Variants in ABCA7 observed in about 807,000 individuals in gnomAD.
ABCA7 encodes the protein ATP binding cassette subfamily A member 7.
A neutral mutation model predicts 227.6 loss-of-function variants in ABCA7; 261 were observed. The ratio of observed to expected loss-of-function variants is 1.15; its 90% confidence interval spans 1.04 to 1.27. The LOEUF (loss-of-function observed/expected upper bound fraction) is 1.27. Among genes scored for constraint, ABCA7 ranks in the 50% most tolerant of loss-of-function variants. ABCA7 has a pLI of 0.00. For synonymous variants in ABCA7, 1,488 were observed against 1,279.7 expected (o/e 1.16, Z -3.47); for missense variants, 3,331 against 2,924.5 (o/e 1.14, Z -3.21).
intron 5 of ABCA7, 37 bp downstream of exon 5, chr19:1,042,213 C>T: frequency 6.3e-7 from 1 of 1,596,664 alleles, no homozygotes; most frequent in South Asian, 1.1e-5. Flanking sequence ...GGGCTGAGCT[C>T]TGAGCCTCAA....
At position 1,046,918 on chromosome 19, in the gene ABCA7, C is replaced by T; in HGVS notation, c.1739C>T (p.Thr580Ile). 6.4e-7 allele frequency: 1 copy of T among 1,555,000 alleles called. No homozygotes were observed. ...VREKETRLRD[T>I]MRAMGLSRAV... ...GAGAAGGAGACGCGGCTGCGGGACA[C>T]CATGCGCGCCATGGGGCTCAGCCGC... Residue 580 changes from threonine (T) to isoleucine (I), a missense_variant, in exon 14 of 47, where the codon ACC becomes ATC. Coordinates refer to ENST00000263094, the MANE Select transcript of ABCA7 (RefSeq NM_019112.4).
In ABCA7 at chr19:1,041,209, G is replaced by C. The variant is rs1384590888; in HGVS notation, c.-137-16G>C. 1.3e-6 allele frequency: 1 copy of C among 786,190 alleles called. No individual in the cohort carries two copies. The highest frequency in any genetic ancestry group is 2.2e-6 in the Non-Finnish European group (1 of 457,680). The allele number at this position is 786,190 out of a possible 1,614,324, so 48.7% of individuals were successfully genotyped here. A position where few individuals can be genotyped will look rare whatever the true frequency, so the allele number is the denominator to read the frequency against. On this transcript the variant is annotated splice_polypyrimidine_tract_variant and intron_variant, in intron 1 of 46. Transcript: ENST00000263094. ...CCTCTTTATCGAGTGACTACTGTTTGCCTCGCTCTAATCAGAGCTTCCAGG... is the reference window on the plus strand; with the variant it reads ...CCTCTTTATCGAGTGACTACTGTTTCCCTCGCTCTAATCAGAGCTTCCAGG...
Position 1,054,820 on chromosome 19 carries a change from G to A in ABCA7, c.3892G>A (p.Glu1298Lys), listed in dbSNP as rs371891949. 18 of 1,577,916 alleles carry A rather than the reference G, an allele frequency of 1.1e-5. No homozygotes were observed. Among genetic ancestry groups the A allele is most frequent in the African/African-American group, 6.8e-5 (5 of 73,860 alleles). ...GGACCCTGGACGTGCCCGGCTGCTC[G>A]AGGCGCTGCTGCAGGAGGCAGGACT... is the stretch of plus-strand genomic sequence containing the variant. ...PGDPGRARLL[E>K]ALLQEAGLEE... is the part of the protein sequence containing the mutation. Residue 1298 changes from glutamate (E) to lysine (K), a missense_variant, in exon 29 of 47, where the codon GAG (glutamate) becomes AAG (lysine). Coordinates refer to ENST00000263094, the MANE Select transcript of ABCA7 (RefSeq NM_019112.4). This position sits in a 1 kb window ranked among gnomAD's most constrained non-coding sequence, Gnocchi z 4.8.
chr19:1,054,182 A>G lies in ABCA7; in HGVS notation c.3578-11A>G, dbSNP rs367544846. The G allele has an allele frequency of 4.2e-5, 67 of 1,610,212 alleles. No individual in the cohort carries two copies. The African/African-American group carries it at 8.2e-4, about 20-fold the overall frequency. ...CAGCAGCGTGAGCACTGACCCTCTCATCCCTCACAGCTGGGTCAGCCCCAG... is the reference window on the plus strand; with the variant it reads ...CAGCAGCGTGAGCACTGACCCTCTCGTCCCTCACAGCTGGGTCAGCCCCAG... On this transcript the variant is annotated splice_polypyrimidine_tract_variant and intron_variant, in intron 26 of 46. Coordinates refer to ENST00000263094, the MANE Select transcript of ABCA7 (RefSeq NM_019112.4). The surrounding 1 kb of genome is among the most constrained non-coding windows in gnomAD (Gnocchi z 4.8).
intron 40 of ABCA7, 188 bp downstream of exon 40, chr19:1,059,273 T>TTATTTATTTATG (rs1426709245): frequency 7.8e-6 from 2 of 254,888 alleles, no homozygotes; most frequent in East Asian, 2.4e-4. Flanking sequence ...ATTTATTTAT[T>TTATTTATTTATG]TATTTATTTG....
At chr19:1,057,221 T>G in intron 34 of ABCA7, 93 bp from the exon 35 acceptor site, 1 of 1,564,248 alleles carries the variant, frequency 6.4e-7, no homozygotes, top group Non-Finnish European at 8.7e-7. Context: ...GCCTTCCTAC[T>G]CAAAAAGCAA....
chr19:1,042,309 CCCCAG>C lies in ABCA7; in HGVS notation c.418_422del. 7 of 1,575,354 alleles carry C rather than the reference CCCCAG, an allele frequency of 4.4e-6. No individual in the cohort carries two copies. Among genetic ancestry groups the C allele is most frequent in the Non-Finnish European group, 5.2e-6 (6 of 1,154,746 alleles). On this transcript the variant is annotated splice_acceptor_variant and splice_polypyrimidine_tract_variant and intron_variant, in intron 5 of 46. Transcript: ENST00000263094. LOFTEE classifies it high-confidence loss of function. ...AGCCCCATGCTCCCGTGCGCTCCTCCCCCAGCCCAGCCTCAACCAACCAAGCAGTC... is the reference window on the plus strand; with the variant it reads ...AGCCCCATGCTCCCGTGCGCTCCTCCCCCAGCCTCAACCAACCAAGCAGTC...
intron 45 of ABCA7, chr19:1,064,666 G>T: frequency 1.8e-6 from 1 of 556,982 alleles, no homozygotes; most frequent in East Asian, 3.3e-5. Context: ...GAGTCAAGTG[G>T]GGTGATAGCT....
chr19:1,055,975 G>A, intron 31 of ABCA7, 36 bp downstream of exon 31: 2 of 1,572,684 alleles, frequency 1.3e-6, no homozygotes, highest in Non-Finnish European at 1.7e-6. Context: ...CCCTGCCCCA[G>A]TTCCACTCCC....
Position 1,064,692 on chromosome 19 carries a change from G to T in ABCA7, c.6045-239G>T, listed in dbSNP as rs2144978961. 1.9e-5 allele frequency: 12 copies of T among 631,774 alleles called. No individual in the cohort carries two copies. The South Asian group carries it at 3.0e-4, about 16-fold the overall frequency. The allele number at this position is 631,774 out of a possible 1,614,324, so 39.1% of individuals were successfully genotyped here. On this transcript the variant is annotated intron_variant, in intron 45 of 46. Coordinates refer to ENST00000263094, the MANE Select transcript of ABCA7 (RefSeq NM_019112.4). ...GGTGATAGCTTCGAGAGCAACCTGG[G>T]CAACCTAGGGAGACCCCATCTCTAT...
chr19:1,056,134 T>C lies in ABCA7; in HGVS notation c.4307T>C (p.Val1436Ala). 22 of 1,609,790 alleles carry C rather than the reference T, an allele frequency of 1.4e-5. No homozygotes were observed. The highest frequency in any genetic ancestry group is 1.9e-5 in the Non-Finnish European group (22 of 1,179,440). ...LPSGQELGRS[V>A]EELWALLSPL... The stretch of plus-strand genomic sequence containing the variant: ...TCGGGCCAAGAGTTGGGCCGCTCAG[T>C]GGAGGAGTTGTGGGCGCTGCTGAGT... The change falls in exon 32 of 47, where the codon GTG becomes GCG. Residue 1436 changes from valine to alanine, a missense_variant. Transcript: ENST00000263094. This position sits in a 1 kb window ranked among gnomAD's most constrained non-coding sequence, Gnocchi z 4.3.
chr19:1,047,409 C>CA, intron 15 of ABCA7, 31 bp downstream of exon 15: 1 of 1,545,158 alleles, frequency 6.5e-7, no homozygotes, highest in Non-Finnish European at 8.7e-7. Flanking sequence ...GGATGGGGGA[C>CA]GCCCCCCGCT....
In ABCA7 at chr19:1,057,100, G is replaced by A. The variant is rs780346766; in HGVS notation, c.4764+16G>A. 1.9e-6 allele frequency: 3 copies of A among 1,604,846 alleles called. No individual in the cohort carries two copies. Among genetic ancestry groups the A allele is most frequent in the Admixed American group, 3.3e-5 (2 of 59,736 alleles). ...CTGGGACATGGTGCGGGGGCTGCTT[G>A]GACGGGTGGGGGCCCAGCCACTGCT... On this transcript the variant is annotated intron_variant, in intron 34 of 46. Coordinates refer to ENST00000263094, the MANE Select transcript of ABCA7 (RefSeq NM_019112.4).
rs1474871652 is a variant in ABCA7, at chr19:1,047,739, G to T, written c.2269+85G>T. Reference sequence around the variant, plus strand: ...TAGGGGTGTGGCCTCCAGGCCGTTTGGGGGTGGGGGGTGGCTTATTCCCTT... The same window carrying T: ...TAGGGGTGTGGCCTCCAGGCCGTTTTGGGGTGGGGGGTGGCTTATTCCCTT... On this transcript the variant is annotated intron_variant, in intron 16 of 46. Transcript: ENST00000263094. 4.4e-6 allele frequency: 6 copies of T among 1,378,526 alleles called. No individual in the cohort carries two copies. In the South Asian group the frequency reaches 7.1e-5, roughly 16 times the overall value. 85.4% of individuals were successfully genotyped at this position (1,378,526 alleles called of 1,614,324 possible).
Position 1,057,042 on chromosome 19 carries a change from G to C in ABCA7, c.4722G>C (p.Leu1574=). The C allele has an allele frequency of 6.2e-7, 1 of 1,613,718 alleles. No homozygotes were observed. Among genetic ancestry groups the C allele is most frequent in the Non-Finnish European group, 8.5e-7 (1 of 1,179,966 alleles). Residue 1574 remains leucine (L), a synonymous_variant, in exon 34 of 47, where the codon CTG becomes CTC. Coordinates refer to ENST00000263094, the MANE Select transcript of ABCA7 (RefSeq NM_019112.4). ...AGCACCTGCAGCTCATGGGGGGCCT[G>C]TCCCCCACCCTCTACTGGCTTGGCA... ...RAKHLQLMGG[L]SPTLYWLGNF... is the part of the protein sequence containing the mutation.
At chr19:1,057,815 G>C in intron 35 of ABCA7, 100 bp from the exon 36 acceptor site, 1 of 1,384,396 alleles carries the variant, frequency 7.2e-7, no homozygotes. Context: ...GGGTGAAAAT[G>C]TCAAGGTCTA....
rs1354599763 is a variant in ABCA7 at position 1,053,819 on chromosome 19, C to T, written c.3455C>T (p.Ala1152Val). Residue 1152 changes from alanine (A) to valine (V), a missense_variant, in exon 25 of 47, where the codon GCG (alanine) becomes GTG (valine). Physicochemically the swap from Ala to Val is moderately conservative, Grantham distance 64. Transcript: ENST00000263094. ...CTGAAGGTGGTGGAGGAGTGTGCTGCGGACACAGATATGGAGGGTGCGGCC... is the reference window on the plus strand; with the variant it reads ...CTGAAGGTGGTGGAGGAGTGTGCTGTGGACACAGATATGGAGGGTGCGGCC... Reference protein sequence around the residue: ...IFLKVVEECAADTDMEDGSCG... With the variant: ...IFLKVVEECAVDTDMEDGSCG... 7.4e-6 allele frequency: 12 copies of T among 1,612,016 alleles called. No individual in the cohort carries two copies. The highest frequency in any genetic ancestry group is 1.6e-4 in the Middle Eastern group (1 of 6,078).
At chr19:1,060,207 A>ATATATATATATATATATATATTTT in intron 40 of ABCA7, among the ~76,000 whole-genome samples, 1 of 96,762 alleles carries the variant, frequency 1.0e-5, no homozygotes, top group African/African-American at 3.5e-5. Context: ...ATATATATAT[A>ATATATATATATATATATATATTTT]TTTTTTTTTC....
At chr19:1,048,746 T>A in intron 16 of ABCA7, 149 bp from the exon 17 acceptor site, 2 of 456,892 alleles carry the variant, frequency 4.4e-6, no homozygotes, top group Non-Finnish European at 7.9e-6. Context: ...GAGGCGGAGC[T>A]TGCAGCGAGT....
Sources: allele counts gnomAD v4.1 joint callset (sites outside exome capture counted in the v4.1 genomes callset), GRCh38; gene constraint gnomAD v4.1.1; non-coding constraint Gnocchi (gnomAD v3.1); transcripts MANE v1.5; gene names NCBI Gene and HGNC (gene_info 2026-07-23, HGNC 2026-07-21).